Variants in FNDC3B observed in about 807,000 individuals in gnomAD.
FNDC3B encodes the protein fibronectin type III domain containing 3B, also known as fibronectin type III domain-containing protein 3B.
FNDC3B carries 12 observed loss-of-function variants against 151.5 expected under a neutral mutation model. The ratio of observed to expected loss-of-function variants is 0.08; its 90% CI spans 0.05 to 0.13. FNDC3B has a LOEUF of 0.13. Among genes scored for constraint, FNDC3B ranks in the 10% least tolerant of loss-of-function variants. FNDC3B has a pLI of 1.00. For missense variants in FNDC3B, 1,214 were observed against 1,505.3 expected, an observed-to-expected ratio of 0.81 and a Z score of 3.20; for synonymous variants, 528 against 549.0, an observed-to-expected ratio of 0.96 and a Z score of 0.54.
chr3:172,352,661 G>A lies in FNDC3B; in HGVS notation c.2515-142G>A. 1.1e-6 allele frequency: 1 copy of A among 887,600 alleles called. No homozygotes were observed. Among genetic ancestry groups the A allele is most frequent in the Admixed American group, 3.0e-5 (1 of 33,726 alleles). 55.0% of individuals were successfully genotyped at this position (887,600 alleles called of 1,614,324 possible). ...TTCTTTGGAAGGTGGTCATCAGATA[G>A]TAGACATTTTCTAGGATTTATTTCT... On this transcript the variant is annotated intron_variant, in intron 21 of 25. Transcript: ENST00000415807. The surrounding 1 kb of genome is among the most constrained non-coding windows in gnomAD (Gnocchi z 4.2).
chr3:172,245,173 A>T (rs182304885), intron 4 of FNDC3B, among the ~76,000 whole-genome samples: 1 of 152,166 alleles, frequency 6.6e-6, no homozygotes. Flanking sequence ...ATTTTTTTTT[A>T]AAACCACTTT....
chr3:172,208,625 C>T (rs953429508), intron 3 of FNDC3B, among the ~76,000 whole-genome samples: 1 of 152,266 alleles, frequency 6.6e-6, no homozygotes, highest in Middle Eastern at 3.4e-3. Context: ...TATCATCACA[C>T]AGGATCCTTC....
chr3:172,256,197 T>G (rs1187735819), intron 6 of FNDC3B, among the ~76,000 whole-genome samples: 2 of 152,320 alleles, frequency 1.3e-5, no homozygotes, highest in Non-Finnish European at 1.5e-5. Context: ...ATATGCCTCA[T>G]TCCCCTTTTT....
At position 172,378,519 on chromosome 3, in the gene FNDC3B, G is replaced by A. The variant is rs981886953; in HGVS notation, c.3175+83G>A. 6.6e-6 allele frequency: 8 copies of A among 1,215,078 alleles called. No individual in the cohort carries two copies. In the African/African-American group the frequency reaches 7.7e-5, roughly 12 times the overall value. 75.3% of individuals were successfully genotyped at this position (1,215,078 alleles called of 1,614,324 possible). ...TTATAGAAAGAAGCTCTTTTCTGATGTTAAATATAATGTCAGCAAGATAGA... is the reference window on the plus strand; with the variant it reads ...TTATAGAAAGAAGCTCTTTTCTGATATTAAATATAATGTCAGCAAGATAGA... On this transcript the variant is annotated intron_variant, in intron 24 of 25. Transcript: ENST00000415807.
At chr3:172,233,427 C>G (rs889589436) in intron 4 of FNDC3B, among the ~76,000 whole-genome samples, 2 of 152,152 alleles carry the variant, frequency 1.3e-5, no homozygotes, top group African/African-American at 4.8e-5. Context: ...TTTCATTTCC[C>G]TTAGCCAGGG....
At chr3:172,190,141 G>A (rs1022453345) in intron 3 of FNDC3B, among the ~76,000 whole-genome samples, 2 of 152,050 alleles carry the variant, frequency 1.3e-5, no homozygotes, top group Non-Finnish European at 2.9e-5. Flanking sequence ...TTCCTCTCTT[G>A]GGAGTTCAGC....
At chr3:172,073,961 G>A (rs1315366353) in intron 1 of FNDC3B, among the ~76,000 whole-genome samples, 1 of 151,918 alleles carries the variant, frequency 6.6e-6, no homozygotes, top group Non-Finnish European at 1.5e-5. Context: ...TTGTCCTTTT[G>A]GAAGCCAGGT....
intron 3 of FNDC3B, among the ~76,000 whole-genome samples, chr3:172,140,502 A>G (rs551468709): frequency 5.3e-5 from 8 of 152,308 alleles, no homozygotes; most frequent in Non-Finnish European, 8.8e-5. Flanking sequence ...ATGCACAGCT[A>G]TTTGTTACAA....
At chr3:172,192,393 G>A (rs1209226772) in intron 3 of FNDC3B, among the ~76,000 whole-genome samples, 1 of 151,898 alleles carries the variant, frequency 6.6e-6, no homozygotes, top group Non-Finnish European at 1.5e-5. Flanking sequence ...CACCGTGTTA[G>A]CCAGGATGGT....
chr3:172,381,378 G>T (rs1359674507), intron 25 of FNDC3B, among the ~76,000 whole-genome samples: 1 of 152,094 alleles, frequency 6.6e-6, no homozygotes, highest in African/African-American at 2.4e-5. Context: ...AGGTTTGCAA[G>T]CATCAAAGTC....
At position 172,346,516 on chromosome 3, in the gene FNDC3B, G is replaced by A. The variant is rs532038077; in HGVS notation, c.2364+76G>A. On this transcript the variant is annotated intron_variant, in intron 20 of 25. Coordinates refer to ENST00000415807, the MANE Select transcript of FNDC3B (RefSeq NM_022763.4). ...AAATACAAATACCAATTATAAGGAA[G>A]CTGCAAATCCAAAATGCACATATAG... The A allele has an allele frequency of 4.7e-6, 4 of 851,204 alleles. No homozygotes were observed. In the East Asian group the frequency reaches 1.0e-4, roughly 22 times the overall value. The allele number at this position is 851,204 out of a possible 1,614,324, so 52.7% of individuals were successfully genotyped here.
chr3:172,204,644 A>C (rs1725332037), intron 3 of FNDC3B, among the ~76,000 whole-genome samples: 1 of 152,230 alleles, frequency 6.6e-6, no homozygotes, highest in African/African-American at 2.4e-5. Context: ...TTAGGGTTAC[A>C]AACCTATTGT....
chr3:172,280,352 C>G (rs1232384945), intron 6 of FNDC3B, among the ~76,000 whole-genome samples: 1 of 152,122 alleles, frequency 6.6e-6, no homozygotes, highest in Admixed American at 6.5e-5. Flanking sequence ...TTATTTATTT[C>G]TGTTTCTTTT....
chr3:172,329,645 G>C (rs980702508), intron 12 of FNDC3B: 5 of 152,224 alleles, frequency 3.3e-5, no homozygotes, highest in African/African-American at 4.8e-5. Flanking sequence ...TTGCACTTGG[G>C]GGGTAACTCT....
chr3:172,141,380 A>G (rs1379802256), intron 3 of FNDC3B, among the ~76,000 whole-genome samples: 2 of 152,244 alleles, frequency 1.3e-5, no homozygotes, highest in African/African-American at 4.8e-5. Context: ...ATGAATTTAA[A>G]GTAAATTTTG....
rs545340260 is a variant in FNDC3B, at chr3:172,059,941, A to G, written c.-29+20170A>G. ...AGAACTGTCATTTTGAAATGTTTCA[A>G]ACCAATTAGGCATCTTTAGATCTAA... is the stretch of plus-strand genomic sequence containing the variant. On this transcript the variant is annotated intron_variant, in intron 1 of 25. Transcript: ENST00000415807. Among the ~76,000 whole-genome samples the G allele has an allele frequency of 2.6e-5, 4 of 152,344 alleles. No individual in the cohort carries two copies. The South Asian group carries it at 8.3e-4, about 32-fold the overall frequency.
At chr3:172,346,490 C>A in intron 20 of FNDC3B, 50 bp downstream of exon 20, 3 of 1,035,814 alleles carry the variant, frequency 2.9e-6, no homozygotes, top group Non-Finnish European at 4.4e-6. Flanking sequence ...ACTTTACTCC[C>A]AAATACAAAT....
At chr3:172,157,585 C>G (rs776185396) in intron 3 of FNDC3B, among the ~76,000 whole-genome samples, 1 of 152,186 alleles carries the variant, frequency 6.6e-6, no homozygotes, top group Non-Finnish European at 1.5e-5. Context: ...TCCTAGTAAC[C>G]ACCCATCTGT....
At chr3:172,205,029 A>G (rs1725352150) in intron 3 of FNDC3B, among the ~76,000 whole-genome samples, 1 of 152,242 alleles carries the variant, frequency 6.6e-6, no homozygotes. Context: ...TGTGAGTGGA[A>G]AGGTAGATTT....
Sources: gnomAD v4.1 joint callset for allele counts (sites outside exome capture counted in the v4.1 genomes callset) on GRCh38, gnomAD v4.1.1 for gene constraint, Gnocchi (gnomAD v3.1) non-coding constraint, MANE v1.5 for transcripts, NCBI Gene and HGNC (gene_info 2026-07-23, HGNC 2026-07-21) for gene names.